SOCS2: variants seen among roughly 807,000 people sequenced by gnomAD.
The protein encoded by SOCS2 is suppressor of cytokine signaling 2, also known as CIS-2.
SOCS2 carries 10 observed loss-of-function variants against 18.6 expected under a neutral mutation model. The observed-to-expected ratio is 0.54, with a 90% CI of 0.33 to 0.91. The LOEUF (loss-of-function observed/expected upper bound fraction) is 0.91. SOCS2 is among the 40% of genes least tolerant of loss of function. The pLI is 0.02. For synonymous variants in SOCS2, 104 were observed against 104.0 expected, an observed-to-expected ratio of 1.00 and a Z score of 0.00; for missense variants, 231 against 247.2, an observed-to-expected ratio of 0.93 and a Z score of 0.44.
chr12:93,580,618 C>CAA (rs35305411), downstream of SOCS2, among the ~76,000 whole-genome samples: 298 of 72,852 alleles, frequency 4.1e-3, 2 homozygotes, highest in Middle Eastern at 8.2e-3. Context: ...GAGACTGTCT[C>CAA]AAAAAAAAAA....
chr12:93,572,168 C>T (rs926487826), upstream of SOCS2: 1 of 170,672 alleles, frequency 5.9e-6, no homozygotes, highest in Admixed American at 6.5e-5. This position sits in a 1 kb window ranked among gnomAD's most constrained non-coding sequence, Gnocchi z 5.0. Context: ...GCGGCAGCTC[C>T]CGCACCTCCG....
the SOCS2 span, among the ~76,000 whole-genome samples, chr12:93,593,125 A>G: frequency 6.6e-6 from 1 of 151,908 alleles, no homozygotes; most frequent in East Asian, 1.9e-4. Context: ...CTGACACCAG[A>G]TTGGGTGGCC....
chr12:93,592,378 T>C, the SOCS2 span, among the ~76,000 whole-genome samples: 4 of 152,220 alleles, frequency 2.6e-5, no homozygotes, highest in Non-Finnish European at 5.9e-5. Context: ...ACTGATTGAA[T>C]CAGTCTCCTG....
chr12:93,622,808 C>G, the SOCS2 span, among the ~76,000 whole-genome samples: 3 of 152,146 alleles, frequency 2.0e-5, no homozygotes, highest in African/African-American at 7.2e-5. Context: ...CACCCAGCTT[C>G]CTCCACCTAT....
the SOCS2 span, among the ~76,000 whole-genome samples, chr12:93,600,897 T>G: frequency 6.6e-6 from 1 of 151,882 alleles, no homozygotes; most frequent in African/African-American, 2.4e-5. Context: ...CAAGGGGTCC[T>G]TTTGCTTCAG....
the SOCS2 span, among the ~76,000 whole-genome samples, chr12:93,590,085 C>G: frequency 6.6e-6 from 1 of 151,852 alleles, no homozygotes; most frequent in Admixed American, 6.6e-5. Context: ...AACTCCATCT[C>G]TACCAAAAAT....
the SOCS2 span, among the ~76,000 whole-genome samples, chr12:93,616,009 T>C: frequency 9.3e-3 from 1,413 of 152,368 alleles, 17 homozygotes; most frequent in African/African-American, 0.029. Flanking sequence ...GATTAATTCA[T>C]GGCTAAGGAA....
At chr12:93,619,805 C>T in the SOCS2 span, among the ~76,000 whole-genome samples, 1 of 152,204 alleles carries the variant, frequency 6.6e-6, no homozygotes, top group Non-Finnish European at 1.5e-5. Flanking sequence ...CCCATTCCTG[C>T]CTGGAATGCT....
At chr12:93,613,369 C>CT in the SOCS2 span, among the ~76,000 whole-genome samples, 153 of 151,976 alleles carry the variant, frequency 1.0e-3, no homozygotes, top group African/African-American at 3.5e-3. Context: ...TTTTATGGTC[C>CT]TTTTTTTCTT....
At chr12:93,618,137 AT>A in the SOCS2 span, among the ~76,000 whole-genome samples, 1 of 152,088 alleles carries the variant, frequency 6.6e-6, no homozygotes, top group African/African-American at 2.4e-5. Flanking sequence ...TGCTCTGGCC[AT>A]GTAAGATGTG....
chr12:93,583,320 C>T (rs929145677), exon 2 of SOCS2: 7 of 151,988 alleles, frequency 4.6e-5, no homozygotes, highest in African/African-American at 1.5e-4. Context: ...TTCCCATTTA[C>T]GTAGATTATT....
chr12:93,583,995 A>G (rs1436944666), downstream of SOCS2, among the ~76,000 whole-genome samples: 1 of 152,240 alleles, frequency 6.6e-6, no homozygotes, highest in East Asian at 1.9e-4. Context: ...ATTGGGTAAC[A>G]CTTCATTCCA....
the SOCS2 span, among the ~76,000 whole-genome samples, chr12:93,596,868 C>A: frequency 2.0e-5 from 3 of 152,172 alleles, no homozygotes; most frequent in Middle Eastern, 6.8e-3. Flanking sequence ...GTTCTGCAGG[C>A]CTTTCTGCCC....
chr12:93,616,210 G>A, the SOCS2 span, among the ~76,000 whole-genome samples: 30 of 152,334 alleles, frequency 2.0e-4, no homozygotes, highest in East Asian at 5.4e-3. Context: ...CATGATTTCA[G>A]GACATTGGAA....
At chr12:93,624,014 C>A in the SOCS2 span, among the ~76,000 whole-genome samples, 3 of 152,138 alleles carry the variant, frequency 2.0e-5, no homozygotes, top group African/African-American at 4.8e-5. Context: ...TGAGCCACTG[C>A]GCCTGGTCTT....
the SOCS2 span, among the ~76,000 whole-genome samples, chr12:93,623,914 C>T: frequency 6.3e-4 from 96 of 152,106 alleles, no homozygotes; most frequent in East Asian, 3.7e-3. Flanking sequence ...CTTGTTGGCC[C>T]GGCTGGTCTT....
At chr12:93,577,003 G>A (rs977038001), downstream of SOCS2, among the ~76,000 whole-genome samples, 1 of 152,192 alleles carries the variant, frequency 6.6e-6, no homozygotes, top group African/African-American at 2.4e-5. Context: ...CACCTGTTTA[G>A]TGTTGGATGT....
chr12:93,581,099 A>G (rs1954533703), downstream of SOCS2, among the ~76,000 whole-genome samples: 1 of 152,342 alleles, frequency 6.6e-6, no homozygotes, highest in East Asian at 1.9e-4. Context: ...AGGGAGATGG[A>G]GCATCAGTAG....
the SOCS2 span, among the ~76,000 whole-genome samples, chr12:93,603,441 A>G: frequency 6.8e-6 from 1 of 146,228 alleles, no homozygotes; most frequent in Non-Finnish European, 1.5e-5. Flanking sequence ...CCAAGTTAGT[A>G]CAGCCTAAGG....
Sources: allele counts gnomAD v4.1 joint callset (sites outside exome capture counted in the v4.1 genomes callset), GRCh38; gene constraint gnomAD v4.1.1; non-coding constraint Gnocchi (gnomAD v3.1); transcripts MANE v1.5; gene names NCBI Gene and HGNC (gene_info 2026-07-23, HGNC 2026-07-21).